The following SNTG1 variants were observed in gnomAD, a reference collection of about 807,000 sequenced individuals.
SNTG1 encodes the protein syntrophin gamma 1.
SNTG1 carries 39 observed loss-of-function variants against 74.7 expected under a neutral mutation model. The observed-to-expected ratio is 0.52, with a 90% CI of 0.40 to 0.68. SNTG1 has a LOEUF of 0.68. Ranked by LOEUF, SNTG1 falls within the 30% of genes least tolerant of loss-of-function variation. The pLI, the probability that SNTG1 is intolerant of heterozygous loss-of-function variation, is 0.00. For missense variants in SNTG1, 685 were observed against 609.5 expected, an observed-to-expected ratio of 1.12 and a Z score of -1.30; for synonymous variants, 254 against 217.1, an observed-to-expected ratio of 1.17 and a Z score of -1.49.
intron 15 of SNTG1, among the ~76,000 whole-genome samples, chr8:50,660,918 A>G (rs960189747): frequency 1.3e-5 from 2 of 152,232 alleles, no homozygotes; most frequent in Middle Eastern, 3.4e-3. Flanking sequence ...TTTCTATGAC[A>G]GTTAATGTTC....
intron 15 of SNTG1, among the ~76,000 whole-genome samples, chr8:50,699,020 G>A (rs1326961821): frequency 6.6e-6 from 1 of 151,996 alleles, no homozygotes; most frequent in African/African-American, 2.4e-5. Context: ...GTTCTCTCTT[G>A]GATAATATGT....
intron 2 of SNTG1, among the ~76,000 whole-genome samples, chr8:50,198,495 C>T (rs550392007): frequency 2.0e-5 from 3 of 152,206 alleles, no homozygotes; most frequent in Admixed American, 1.3e-4. Flanking sequence ...CTACAGAGCC[C>T]AAATCTGTTC....
At chr8:50,109,982 C>T (rs935514272) in intron 1 of SNTG1, among the ~76,000 whole-genome samples, 1 of 152,234 alleles carries the variant, frequency 6.6e-6, no homozygotes, top group African/African-American at 2.4e-5. Flanking sequence ...CTAGTTTCTG[C>T]CCAGGCTTGT....
Position 50,361,648 on chromosome 8 carries a change from C to T in SNTG1, c.-27-32564C>T, listed in dbSNP as rs1046632910. Among the ~76,000 whole-genome samples, 24 of 152,192 alleles carry T rather than the reference C, an allele frequency of 1.6e-4. No homozygotes were observed. In the South Asian group the frequency reaches 5.0e-3, roughly 32 times the overall value. On this transcript the variant is annotated intron_variant, in intron 2 of 18. Transcript: ENST00000642720. ...GAGGTCTGCAGAATCTTCTGCTAAA[C>T]CCTTCATTGTGAATTTTTTTTGGGG...
chr8:50,738,648 A>T (rs1192722008), intron 17 of SNTG1, among the ~76,000 whole-genome samples: 1 of 152,128 alleles, frequency 6.6e-6, no homozygotes, highest in African/African-American at 2.4e-5. Context: ...ATGATACCTG[A>T]CTTCAAACTA....
At chr8:50,153,866 G>T (rs2131555251) in intron 1 of SNTG1, among the ~76,000 whole-genome samples, 1 of 152,314 alleles carries the variant, frequency 6.6e-6, no homozygotes, top group East Asian at 1.9e-4. Flanking sequence ...CCCACTTGAG[G>T]AGGCAGTCTG....
chr8:50,718,449 G>A (rs773096752), intron 17 of SNTG1, among the ~76,000 whole-genome samples: 14 of 152,158 alleles, frequency 9.2e-5, no homozygotes, highest in Non-Finnish European at 1.9e-4. Flanking sequence ...TCGTGCTTCT[G>A]TGGGATTCAG....
chr8:50,211,359 T>G (rs2084513493), intron 2 of SNTG1, among the ~76,000 whole-genome samples: 1 of 152,152 alleles, frequency 6.6e-6, no homozygotes, highest in Non-Finnish European at 1.5e-5. Flanking sequence ...ATCTTTGTTA[T>G]CAGAGAAATA....
At chr8:50,562,868 G>A (rs1229229437) in intron 12 of SNTG1, among the ~76,000 whole-genome samples, 1 of 152,140 alleles carries the variant, frequency 6.6e-6, no homozygotes, top group East Asian at 1.9e-4. Context: ...TACCACTAGA[G>A]TTCCTAAATA....
chr8:50,434,977 T>A (rs2093285781), intron 4 of SNTG1, among the ~76,000 whole-genome samples: 2 of 152,174 alleles, frequency 1.3e-5, no homozygotes, highest in South Asian at 4.1e-4. Context: ...ATACCTGAGA[T>A]ATGTGATGCC....
intron 2 of SNTG1, among the ~76,000 whole-genome samples, chr8:50,178,806 A>AGTGT (rs1244956031): frequency 6.6e-6 from 1 of 152,180 alleles, no homozygotes; most frequent in Non-Finnish European, 1.5e-5. Flanking sequence ...TCTGCCAAAA[A>AGTGT]GACACACTTT....
At chr8:50,321,514 T>A in intron 2 of SNTG1, among the ~76,000 whole-genome samples, 1 of 152,082 alleles carries the variant, frequency 6.6e-6, no homozygotes. Flanking sequence ...GACTGGAGAG[T>A]TTAGTCCATT....
intron 15 of SNTG1, among the ~76,000 whole-genome samples, chr8:50,693,360 T>C (rs1217963662): frequency 2.0e-5 from 3 of 152,160 alleles, no homozygotes; most frequent in Non-Finnish European, 4.4e-5. Context: ...CTGGGAGCTG[T>C]AGACCGGAGC....
At chr8:50,656,469 T>G (rs2095181946) in intron 13 of SNTG1, among the ~76,000 whole-genome samples, 1 of 152,204 alleles carries the variant, frequency 6.6e-6, no homozygotes, top group Non-Finnish European at 1.5e-5. Context: ...CTAGTGGTAT[T>G]GCCATAAGAT....
chr8:49,968,650 G>T (rs1005089666), intron 1 of SNTG1, among the ~76,000 whole-genome samples: 2 of 152,156 alleles, frequency 1.3e-5, no homozygotes, highest in African/African-American at 4.8e-5. Flanking sequence ...GCTTCAGGAT[G>T]CAGGTTATAC....
chr8:50,429,681 A>G (rs563692032), intron 4 of SNTG1, among the ~76,000 whole-genome samples: 22 of 152,278 alleles, frequency 1.4e-4, no homozygotes, highest in Admixed American at 2.6e-4. Context: ...AAATAACACT[A>G]TCAATACAGT....
At chr8:49,946,331 A>C (rs538005711) in intron 1 of SNTG1, among the ~76,000 whole-genome samples, 1 of 152,198 alleles carries the variant, frequency 6.6e-6, no homozygotes, top group Non-Finnish European at 1.5e-5. Context: ...AACTTTGTAG[A>C]CATAATAGTT....
intron 17 of SNTG1, among the ~76,000 whole-genome samples, chr8:50,722,660 A>G (rs892288533): frequency 2.8e-4 from 43 of 152,170 alleles, no homozygotes; most frequent in African/African-American, 1.0e-3. Context: ...CTTAGATTGA[A>G]ACAGTTTTAC....
Position 50,569,819 on chromosome 8 carries a change from G to T in SNTG1, c.810+16640G>T, listed in dbSNP as rs1315027838. 3.8e-4 allele frequency among the ~76,000 whole-genome samples: 58 copies of T among 152,020 alleles called. 1 individual carries two copies. The highest frequency in any genetic ancestry group is 5.9e-5 in the Non-Finnish European group (4 of 68,012). On this transcript the variant is annotated intron_variant, in intron 12 of 18. Coordinates refer to ENST00000642720, the MANE Select transcript of SNTG1 (RefSeq NM_018967.5). Reference sequence around the variant, plus strand: ...ATGTTGCTGTCTGCTTGTCTGCATTGTTATTCTTTATCCACCAAAATGTGA... The same window carrying T: ...ATGTTGCTGTCTGCTTGTCTGCATTTTTATTCTTTATCCACCAAAATGTGA...
Sources: gnomAD v4.1 joint callset for allele counts (sites outside exome capture counted in the v4.1 genomes callset) on GRCh38, gnomAD v4.1.1 for gene constraint, MANE v1.5 for transcripts, NCBI Gene and HGNC (gene_info 2026-07-23, HGNC 2026-07-21) for gene names.